The following TUSC3 variants were observed in gnomAD, a reference collection of about 807,000 sequenced individuals.
The protein encoded by TUSC3 is tumor suppressor candidate 3.
Under a neutral mutation model 44.8 loss-of-function variants are expected in TUSC3, and 45 were observed. The ratio of observed to expected loss-of-function variants is 1.00; its 90% CI spans 0.79 to 1.29. TUSC3 has a LOEUF of 1.29. TUSC3 is among the 50% of genes most tolerant of loss of function. TUSC3 has a pLI of 0.00. For missense variants in TUSC3, 519 were observed against 437.9 expected (o/e 1.19, Z -1.65); for synonymous variants, 212 against 152.9 (o/e 1.39, Z -2.85).
the TUSC3 span, chr8:15,807,216 C>G: frequency 1.0e-5 from 7 of 695,918 alleles, no homozygotes; most frequent in African/African-American, 1.8e-5. Context: ...TAGCTCGTAT[C>G]GCAACTAATT....
intron 1 of TUSC3, among the ~76,000 whole-genome samples, chr8:15,452,867 C>A (rs1800211461): frequency 1.3e-5 from 2 of 152,112 alleles, no homozygotes; most frequent in Non-Finnish European, 2.9e-5. Context: ...CTGCCCATTG[C>A]CTTCTTGCAA....
At chr8:15,531,477 C>G (rs1218836343) in intron 2 of TUSC3, among the ~76,000 whole-genome samples, 3 of 152,204 alleles carry the variant, frequency 2.0e-5, no homozygotes, top group East Asian at 1.9e-4. Context: ...GTCTCGAACT[C>G]CTGACCTCAG....
intron 1 of TUSC3, among the ~76,000 whole-genome samples, chr8:15,446,009 A>T (rs1800092203): frequency 2.0e-5 from 3 of 150,354 alleles, no homozygotes; most frequent in African/African-American, 7.4e-5. Flanking sequence ...CACTTCCCAG[A>T]CGGGCCGGCT....
chr8:15,707,571 A>T (rs142901137), intron 6 of TUSC3, among the ~76,000 whole-genome samples: 5 of 152,140 alleles, frequency 3.3e-5, no homozygotes, highest in African/African-American at 1.2e-4. Flanking sequence ...GACAACAGCC[A>T]TGCAGCTTGG....
chr8:15,845,493 G>A, the TUSC3 span, among the ~76,000 whole-genome samples: 1 of 152,136 alleles, frequency 6.6e-6, no homozygotes, highest in African/African-American at 2.4e-5. Context: ...AACAATCACT[G>A]AACGAGATGA....
intron 1 of TUSC3, among the ~76,000 whole-genome samples, chr8:15,454,174 C>G (rs1467492937): frequency 6.6e-6 from 1 of 152,170 alleles, no homozygotes; most frequent in Admixed American, 6.5e-5. Flanking sequence ...GGAAGCATGA[C>G]AGCATATAAA....
chr8:15,789,079 G>A, the TUSC3 span, among the ~76,000 whole-genome samples: 8 of 152,244 alleles, frequency 5.3e-5, no homozygotes, highest in East Asian at 1.9e-4. Flanking sequence ...AATCCGTGTC[G>A]TCATTCAAGC....
In TUSC3 at chr8:15,730,586, T is replaced by C. The variant is rs571126625; in HGVS notation, c.799-80T>C. 1.3e-5 allele frequency: 18 copies of C among 1,377,910 alleles called. No individual in the cohort carries two copies. The East Asian group carries it at 4.3e-4, about 33-fold the overall frequency. The allele number at this position is 1,377,910 out of a possible 1,614,324, so 85.4% of individuals were successfully genotyped here. ...TAAAAATCGAATTAGATTTTTCCATTGTTTATCTTCATGACTTAAAACTAC... is the reference window on the plus strand; with the variant it reads ...TAAAAATCGAATTAGATTTTTCCATCGTTTATCTTCATGACTTAAAACTAC... On this transcript the variant is annotated intron_variant, in intron 6 of 10. Transcript: ENST00000503731.
chr8:15,434,350 T>A (rs975985364), intron 1 of TUSC3, among the ~76,000 whole-genome samples: 2 of 152,180 alleles, frequency 1.3e-5, no homozygotes, highest in Non-Finnish European at 2.9e-5. Context: ...AAATTCTTTG[T>A]CAGATACATG....
At chr8:15,467,838 C>T (rs549386918) in intron 1 of TUSC3, among the ~76,000 whole-genome samples, 10 of 152,180 alleles carry the variant, frequency 6.6e-5, no homozygotes, top group Non-Finnish European at 5.9e-5. Context: ...TGCTTCTAAC[C>T]TAAAGTTTTT....
rs548995033 is a variant in TUSC3, at chr8:15,558,883, C to T, written c.138+18315C>T. 1.2e-4 allele frequency among the ~76,000 whole-genome samples: 18 copies of T among 150,968 alleles called. 1 individual carries two copies. Among genetic ancestry groups the T allele is most frequent in the East Asian group, 4.0e-4 (2 of 5,058 alleles). On this transcript the variant is annotated intron_variant, in intron 1 of 10. Coordinates refer to ENST00000503731, the MANE Select transcript of TUSC3 (RefSeq NM_006765.4). ...TTTATCATTTTTTATTGCGTCTGTTCGATTCTTCTCTTTTTCTTTATTAGT... is the reference window on the plus strand; with the variant it reads ...TTTATCATTTTTTATTGCGTCTGTTTGATTCTTCTCTTTTTCTTTATTAGT...
At chr8:15,716,032 G>A (rs1335723306) in intron 6 of TUSC3, among the ~76,000 whole-genome samples, 4 of 152,016 alleles carry the variant, frequency 2.6e-5, no homozygotes, top group African/African-American at 9.7e-5. Context: ...ACGGCAGGCG[G>A]TTCACTTGAG....
At chr8:15,452,172 T>C (rs1418341698) in intron 1 of TUSC3, among the ~76,000 whole-genome samples, 1 of 152,200 alleles carries the variant, frequency 6.6e-6, no homozygotes, top group Non-Finnish European at 1.5e-5. Flanking sequence ...GAAAAACATG[T>C]TAAAGTGCTT....
At chr8:15,688,471 G>C (rs1358125205) in intron 6 of TUSC3, among the ~76,000 whole-genome samples, 2 of 133,570 alleles carry the variant, frequency 1.5e-5, no homozygotes, top group African/African-American at 5.8e-5. Flanking sequence ...AAGGGTACTT[G>C]TGCAGATCTG....
chr8:15,621,591 A>G (rs915945792), intron 1 of TUSC3, among the ~76,000 whole-genome samples: 2 of 147,974 alleles, frequency 1.4e-5, no homozygotes, highest in Non-Finnish European at 3.0e-5. Context: ...AAATATATAT[A>G]TGGATTTATA....
chr8:15,737,318 C>T (rs1810978953), intron 7 of TUSC3, among the ~76,000 whole-genome samples: 1 of 151,998 alleles, frequency 6.6e-6, no homozygotes, highest in East Asian at 1.9e-4. Context: ...GATTCCATTC[C>T]TAGTAGCAAC....
chr8:15,806,132 G>C, the TUSC3 span: 1 of 445,576 alleles, frequency 2.2e-6, no homozygotes. Context: ...AAACTCCATG[G>C]CTAGATGAGC....
chr8:15,688,430 CTTTTTTT>C (rs11383982), intron 6 of TUSC3, among the ~76,000 whole-genome samples: 1 of 141,304 alleles, frequency 7.1e-6, no homozygotes, highest in African/African-American at 2.6e-5. Flanking sequence ...CTTCAGTATT[CTTTTTTT>C]TTTTTTTTTT....
the TUSC3 span, among the ~76,000 whole-genome samples, chr8:15,840,419 A>G: frequency 6.6e-6 from 1 of 152,144 alleles, no homozygotes; most frequent in African/African-American, 2.4e-5. Flanking sequence ...ACACACAAAA[A>G]CTCAGGAGCA....
Sources: gnomAD v4.1 joint callset for allele counts (sites outside exome capture counted in the v4.1 genomes callset) on GRCh38, gnomAD v4.1.1 for gene constraint, MANE v1.5 for transcripts, NCBI Gene and HGNC (gene_info 2026-07-23, HGNC 2026-07-21) for gene names.